LAMA4: variants seen among roughly 807,000 people sequenced by gnomAD.
The protein encoded by LAMA4 is laminin subunit alpha-4.
Under a neutral mutation model 207.1 loss-of-function variants are expected in LAMA4, and 127 were observed. The observed-to-expected ratio is 0.61, with a 90% confidence interval of 0.53 to 0.71. The LOEUF (loss-of-function observed/expected upper bound fraction) is 0.71. Among genes scored for constraint, LAMA4 ranks in the 30% least tolerant of loss-of-function variants. LAMA4 has a pLI of 0.00. For synonymous variants in LAMA4, 761 were observed against 816.0 expected, an observed-to-expected ratio of 0.93 and a Z score of 1.15; for missense variants, 2,093 against 2,246.5, an observed-to-expected ratio of 0.93 and a Z score of 1.38.
At chr6:112,233,475 A>G (rs534420746) in intron 2 of LAMA4, among the ~76,000 whole-genome samples, 2 of 152,324 alleles carry the variant, frequency 1.3e-5, no homozygotes, top group South Asian at 4.1e-4. Flanking sequence ...CAGGGGTTCA[A>G]TGGGGGAAAT....
intron 24 of LAMA4, 129 bp downstream of exon 24, chr6:112,138,990 AT>A (rs1299068323): frequency 2.1e-6 from 2 of 937,724 alleles, no homozygotes; most frequent in Non-Finnish European, 3.4e-6. Context: ...AGAAAATCCA[AT>A]TTGACTTTCT....
At chr6:112,174,602 C>G (rs1000099053) in intron 11 of LAMA4, among the ~76,000 whole-genome samples, 2 of 152,226 alleles carry the variant, frequency 1.3e-5, no homozygotes, top group Admixed American at 1.3e-4. Context: ...AAGCGATTCT[C>G]CTGCCTCAGC....
chr6:112,238,527 T>A (rs1357090084), intron 2 of LAMA4, among the ~76,000 whole-genome samples: 1 of 151,948 alleles, frequency 6.6e-6, no homozygotes, highest in Non-Finnish European at 1.5e-5. Context: ...CTGGCCAACA[T>A]GGTGAAACCC....
chr6:112,176,400 T>C (rs1782028037), intron 10 of LAMA4, among the ~76,000 whole-genome samples: 1 of 152,358 alleles, frequency 6.6e-6, no homozygotes, highest in African/African-American at 2.4e-5. Context: ...ATGATCTATG[T>C]GGTTGACCAG....
At chr6:112,162,953 T>A (rs1196906396) in intron 13 of LAMA4, among the ~76,000 whole-genome samples, 1 of 148,274 alleles carries the variant, frequency 6.7e-6, no homozygotes, top group African/African-American at 2.5e-5. Context: ...CAGTGTCAAG[T>A]GCAGCTCAAA....
chr6:112,131,034 T>C lies in LAMA4; in HGVS notation c.3902A>G (p.Gln1301Arg). The change falls in exon 29 of 39, where the codon CAG becomes CGG. Residue 1301 changes from glutamine (Q) to arginine (R), a missense_variant. Coordinates refer to ENST00000230538, the MANE Select transcript of LAMA4 (RefSeq NM_001105206.3). ...ATCATTGTACTGCTTATCTACTGAC[T>C]GAACTTTGATTCCCTTTACATCCAT... ...VIMDVKGIKV[Q>R]SVDKQYNDGL... 1 of 1,613,014 alleles carries C rather than the reference T, an allele frequency of 6.2e-7. No individual in the cohort carries two copies. The highest frequency in any genetic ancestry group is 8.5e-7 in the Non-Finnish European group (1 of 1,179,110).
At chr6:112,130,075 A>G in intron 29 of LAMA4, 35 bp from the exon 30 acceptor site, 1 of 1,596,098 alleles carries the variant, frequency 6.3e-7, no homozygotes. Flanking sequence ...CATACCACAG[A>G]GCTAGCATTT....
In LAMA4 at chr6:112,155,552, A is replaced by G. The variant is rs782242326; in HGVS notation, c.1959+13T>C. 8.7e-6 allele frequency: 14 copies of G among 1,613,976 alleles called. No individual in the cohort carries two copies. The East Asian group carries it at 2.7e-4, about 31-fold the overall frequency. ...GAAAGGCAAGGTATAAAGAACTTTCAGGGAATACTCACATCATAAATTCGG... is the reference window on the plus strand; with the variant it reads ...GAAAGGCAAGGTATAAAGAACTTTCGGGGAATACTCACATCATAAATTCGG... On this transcript the variant is annotated intron_variant, in intron 15 of 38. Coordinates refer to ENST00000230538, the MANE Select transcript of LAMA4 (RefSeq NM_001105206.3).
At chr6:112,216,318 A>G (rs782086740) in intron 3 of LAMA4, 50 bp downstream of exon 3, 2 of 1,189,118 alleles carry the variant, frequency 1.7e-6, no homozygotes, top group Non-Finnish European at 2.5e-6. Flanking sequence ...TTCACCCAAG[A>G]TGCAAATGCC....
chr6:112,223,514 C>T (rs1228657555), intron 2 of LAMA4, among the ~76,000 whole-genome samples: 2 of 152,134 alleles, frequency 1.3e-5, no homozygotes, highest in African/African-American at 4.8e-5. Flanking sequence ...ATTTAATGAC[C>T]TACAGTCTTG....
At position 112,181,803 on chromosome 6, in the gene LAMA4, CACTA is replaced by C. The variant is rs373602611; in HGVS notation, c.1077+3430_1077+3433del. ...ATTTCAGGATACCTAGCACCTAGCA[CACTA>C]ACTGTCACAGGCCGGGCGCGGTGGC... On this transcript the variant is annotated intron_variant, in intron 9 of 38. Transcript: ENST00000230538. Among the ~76,000 whole-genome samples, 321 of 152,242 alleles carry C rather than the reference CACTA, an allele frequency of 2.1e-3. 2 individuals carry two copies. Among genetic ancestry groups the C allele is most frequent in the African/African-American group, 2.7e-3 (113 of 41,552 alleles).
chr6:112,141,622 AATT>A, intron 20 of LAMA4, 119 bp from the exon 21 acceptor site: 1 of 796,874 alleles, frequency 1.3e-6, no homozygotes. Flanking sequence ...TTCTGGCCTG[AATT>A]ATTATCCGAA....
rs17073565 is a variant in LAMA4 at position 112,207,249 on chromosome 6, A to G, written c.298-104T>C. 15,327 of 1,246,190 alleles carry G rather than the reference A, an allele frequency of 0.012. 1,238 individuals carry two copies. In the African/African-American group the frequency reaches 0.19, roughly 15 times the overall value. 77.2% of individuals were successfully genotyped at this position (1,246,190 alleles called of 1,614,324 possible). ...CTTTTTCAAGCAAAAGGGACATCAGATCAGACAGCACAGACTGTATGCGGC... is the reference window on the plus strand; with the variant it reads ...CTTTTTCAAGCAAAAGGGACATCAGGTCAGACAGCACAGACTGTATGCGGC... On this transcript the variant is annotated intron_variant, in intron 3 of 38. Coordinates refer to ENST00000230538, the MANE Select transcript of LAMA4 (RefSeq NM_001105206.3).
intron 9 of LAMA4, among the ~76,000 whole-genome samples, chr6:112,184,445 C>T (rs1290734398): frequency 2.0e-5 from 3 of 152,010 alleles, no homozygotes; most frequent in Non-Finnish European, 4.4e-5. Flanking sequence ...TTGCGGAGTG[C>T]GTTGAATAGC....
chr6:112,134,937 C>CTT (rs200187282), intron 25 of LAMA4, among the ~76,000 whole-genome samples: 1 of 150,628 alleles, frequency 6.6e-6, no homozygotes. Context: ...CCACCATTCT[C>CTT]TTTTTTTTTA....
At chr6:112,180,268 C>T (rs1782276757) in intron 9 of LAMA4, among the ~76,000 whole-genome samples, 2 of 152,096 alleles carry the variant, frequency 1.3e-5, no homozygotes, top group Admixed American at 1.3e-4. Flanking sequence ...ATAAGAAAAC[C>T]TCTTCTTTTT....
In LAMA4 at chr6:112,136,329, A is replaced by G. The variant is rs1469654755; in HGVS notation, c.3283-75T>C. 4 of 1,136,780 alleles carry G rather than the reference A, an allele frequency of 3.5e-6. No homozygotes were observed. In the African/African-American group the frequency reaches 6.2e-5, roughly 18 times the overall value. 70.4% of individuals were successfully genotyped at this position (1,136,780 alleles called of 1,614,324 possible). A position where few individuals can be genotyped will look rare whatever the true frequency, so the allele number is the denominator to read the frequency against. ...AGTCAGATTTAGCTGAATTTGAGAA[A>G]TAAGACTGTATTCTTTATTACTGGA... is the stretch of plus-strand genomic sequence containing the variant. On this transcript the variant is annotated intron_variant, in intron 24 of 38. Coordinates refer to ENST00000230538, the MANE Select transcript of LAMA4 (RefSeq NM_001105206.3).
intron 16 of LAMA4, among the ~76,000 whole-genome samples, chr6:112,152,365 G>T (rs1191021848): frequency 6.6e-6 from 1 of 152,012 alleles, no homozygotes; most frequent in African/African-American, 2.4e-5. Context: ...TTTTGTATTT[G>T]CATCAGTTTT....
intron 10 of LAMA4, among the ~76,000 whole-genome samples, chr6:112,177,175 G>T (rs1157162454): frequency 6.6e-6 from 1 of 152,230 alleles, no homozygotes; most frequent in African/African-American, 2.4e-5. Flanking sequence ...GAGTATGTGA[G>T]TGAGGAGTGT....
Sources: allele counts gnomAD v4.1 joint callset (sites outside exome capture counted in the v4.1 genomes callset), GRCh38; gene constraint gnomAD v4.1.1; transcripts MANE v1.5; gene names NCBI Gene and HGNC (gene_info 2026-07-23, HGNC 2026-07-21).